FOXN4: variants seen among roughly 807,000 people sequenced by gnomAD.
The protein encoded by FOXN4 is forkhead box N4, also known as forkhead box protein N4.
A neutral mutation model predicts 45.0 loss-of-function variants in FOXN4; 12 were observed. The observed-to-expected ratio is 0.27, with a 90% confidence interval of 0.17 to 0.43. FOXN4 has a LOEUF of 0.43. FOXN4 is among the 20% of genes least tolerant of loss of function. The pLI is 1.00. For synonymous variants in FOXN4, 297 were observed against 295.0 expected, an observed-to-expected ratio of 1.01 and a Z score of -0.07; for missense variants, 560 against 694.9, an observed-to-expected ratio of 0.81 and a Z score of 2.18.
In FOXN4 at chr12:109,287,618, G is replaced by A; in HGVS notation, c.469-94C>T. 1 of 1,408,972 alleles carries A rather than the reference G, an allele frequency of 7.1e-7. No individual in the cohort carries two copies. The highest frequency in any genetic ancestry group is 9.4e-7 in the Non-Finnish European group (1 of 1,061,074). The allele number at this position is 1,408,972 out of a possible 1,614,324, so 87.3% of individuals were successfully genotyped here. On this transcript the variant is annotated intron_variant, in intron 5 of 9. Transcript: ENST00000299162. The surrounding 1 kb of genome is among the most constrained non-coding windows in gnomAD (Gnocchi z 4.1). ...TCACAGTAACACTGTCCCCACCCCA[G>A]TTTCAAAACACCTTGTGTGGGGATT... is the stretch of plus-strand genomic sequence containing the variant.
chr12:109,288,185 C>A lies in FOXN4; in HGVS notation c.233-5G>T. 6.5e-7 allele frequency: 1 copy of A among 1,547,626 alleles called. No homozygotes were observed. The highest frequency in any genetic ancestry group is 1.4e-5 in the African/African-American group (1 of 72,982). ...CGGCCACCCCAGCCAAGGCACCTGC[C>A]GGAGAGAAGCACAGAGACGCTGCTG... On this transcript the variant is annotated splice_region_variant and splice_polypyrimidine_tract_variant and intron_variant, in intron 3 of 9. Transcript: ENST00000299162. This position sits in a 1 kb window ranked among gnomAD's most constrained non-coding sequence, Gnocchi z 4.3.
chr12:109,301,246 G>A (rs1866064), intron 2 of FOXN4, among the ~76,000 whole-genome samples: 5,374 of 152,272 alleles, frequency 0.035, 314 homozygotes, highest in African/African-American at 0.12. Flanking sequence ...ATCCTCGTGT[G>A]CCGAACAGAG....
intron 2 of FOXN4, among the ~76,000 whole-genome samples, chr12:109,294,135 C>T (rs1047076489): frequency 2.0e-5 from 3 of 152,152 alleles, no homozygotes; most frequent in Non-Finnish European, 2.9e-5. Flanking sequence ...CTACGCGAAC[C>T]GGCATCTCCC....
chr12:109,284,241 T>C (rs968609415), intron 8 of FOXN4, among the ~76,000 whole-genome samples: 1 of 152,212 alleles, frequency 6.6e-6, no homozygotes, highest in African/African-American at 2.4e-5. Context: ...TCCAACAGCT[T>C]TTCCTGTTTT....
In FOXN4 at chr12:109,278,911, G is replaced by C. The variant is rs1380363466; in HGVS notation, c.*760C>G. ...GTCATTCTCTGGCCTGTAGGAGTTA[G>C]GATGGCTGGGAGGTAGGGAGGGAGA... On this transcript the variant is annotated 3_prime_UTR_variant, in exon 10 of 10. Coordinates refer to ENST00000299162, the MANE Select transcript of FOXN4 (RefSeq NM_213596.3). The C allele has an allele frequency of 6.6e-6, 1 of 152,354 alleles. No homozygotes were observed. Among genetic ancestry groups the C allele is most frequent in the African/African-American group, 2.4e-5 (1 of 41,444 alleles). 9.4% of individuals were successfully genotyped at this position (152,354 alleles called of 1,614,324 possible).
chr12:109,302,235 G>T (rs2047875237), intron 2 of FOXN4, among the ~76,000 whole-genome samples: 1 of 152,174 alleles, frequency 6.6e-6, no homozygotes, highest in Admixed American at 6.5e-5. Context: ...GACCCCCACG[G>T]CCACTGTCCC....
chr12:109,281,557 G>T lies in FOXN4; in HGVS notation c.1144C>A (p.Pro382Thr). The T allele has an allele frequency of 6.2e-7, 1 of 1,610,564 alleles. No homozygotes were observed. The change falls in exon 9 of 10, where the codon CCG becomes ACG. Residue 382 changes from proline to threonine, a missense_variant. Coordinates refer to ENST00000299162, the MANE Select transcript of FOXN4 (RefSeq NM_213596.3). The part of the protein sequence containing the change: ...APDSPAPAQT[P>T]PLHALPDLSP... ...AGGTCCGGCAGGGCGTGCAGTGGCGGGGTCTGGGCTGGTGCTGGAGAGTCT... is the reference window on the plus strand; with the variant it reads ...AGGTCCGGCAGGGCGTGCAGTGGCGTGGTCTGGGCTGGTGCTGGAGAGTCT...
chr12:109,294,811 C>A lies in FOXN4; in HGVS notation c.87-4525G>T, dbSNP rs75729274. Reference sequence around the variant, plus strand: ...TCTGTCCCCTGCAGAAAGGTCAGCACGTGCCCCTCTCCACAGTGGCATGTG... The same window carrying A: ...TCTGTCCCCTGCAGAAAGGTCAGCAAGTGCCCCTCTCCACAGTGGCATGTG... On this transcript the variant is annotated intron_variant, in intron 2 of 9. Transcript: ENST00000299162. Among the ~76,000 whole-genome samples, 772 of 152,114 alleles carry A rather than the reference C, an allele frequency of 5.1e-3. 33 individuals carry two copies. The East Asian group carries it at 0.089, about 18-fold the overall frequency.
At chr12:109,284,558 C>T (rs1361411405) in intron 8 of FOXN4, among the ~76,000 whole-genome samples, 1 of 148,302 alleles carries the variant, frequency 6.7e-6, no homozygotes, top group Non-Finnish European at 1.5e-5. Flanking sequence ...TGTGTGCGCA[C>T]GTGTGTGTGC....
In FOXN4 at chr12:109,287,084, T is replaced by TATTA. The variant is rs1237649446; in HGVS notation, c.596+309_596+312dup. On this transcript the variant is annotated intron_variant, in intron 6 of 9. Coordinates refer to ENST00000299162, the MANE Select transcript of FOXN4 (RefSeq NM_213596.3). The surrounding 1 kb of genome is among the most constrained non-coding windows in gnomAD (Gnocchi z 4.1). ...CAAACTCCCACGAGGTATACAATACTATTATTTTGATGACTTTTTACATTT... is the reference window on the plus strand; with the variant it reads ...CAAACTCCCACGAGGTATACAATACTATTAATTATTTTGATGACTTTTTACATTT... Among the ~76,000 whole-genome samples, 1 of 152,192 alleles carries TATTA rather than the reference T, an allele frequency of 6.6e-6. No homozygotes were observed. The highest frequency in any genetic ancestry group is 2.4e-5 in the African/African-American group (1 of 41,440).
At chr12:109,301,841 C>T (rs939519471) in intron 2 of FOXN4, among the ~76,000 whole-genome samples, 6 of 152,244 alleles carry the variant, frequency 3.9e-5, no homozygotes, top group African/African-American at 1.2e-4. Flanking sequence ...ATTACATACT[C>T]TCAAGTATGA....
At chr12:109,297,089 A>G (rs1391061608) in intron 2 of FOXN4, among the ~76,000 whole-genome samples, 1 of 152,190 alleles carries the variant, frequency 6.6e-6, no homozygotes, top group African/African-American at 2.4e-5. Flanking sequence ...TGGCCACAAC[A>G]ACCCTGTCCT....
chr12:109,296,145 T>C (rs1402899742), intron 2 of FOXN4, among the ~76,000 whole-genome samples: 1 of 152,216 alleles, frequency 6.6e-6, no homozygotes, highest in Admixed American at 6.5e-5. Flanking sequence ...CCAGCCCTGC[T>C]GCTGGGTCGC....
chr12:109,307,539 C>T (rs1003880199), intron 2 of FOXN4, among the ~76,000 whole-genome samples: 1 of 152,064 alleles, frequency 6.6e-6, no homozygotes, highest in Non-Finnish European at 1.5e-5. Flanking sequence ...ATAGGGGGTG[C>T]GCAGACTGGT....
Position 109,281,500 on chromosome 12 carries a change from C to T in FOXN4, c.1201G>A (p.Gly401Arg), listed in dbSNP as rs1355909073. The T allele has an allele frequency of 1.9e-6, 3 of 1,613,988 alleles. No homozygotes were observed. Among genetic ancestry groups the T allele is most frequent in the Admixed American group, 3.3e-5 (2 of 60,026 alleles). Residue 401 changes from glycine (G) to arginine (R), a missense_variant, in exon 9 of 10, where the codon GGA (glycine) becomes AGA (arginine). Coordinates refer to ENST00000299162, the MANE Select transcript of FOXN4 (RefSeq NM_213596.3). Reference sequence around the variant, plus strand: ...TTGATGAAGTCTACAGGAGCCCTTCCCATGGCGGGGTGGGGGAGCGGGCTG... The same window carrying T: ...TTGATGAAGTCTACAGGAGCCCTTCTCATGGCGGGGTGGGGGAGCGGGCTG... The part of the protein sequence containing the change: ...SPSPLPHPAM[G>R]RAPVDFINIS...
rs375715687 is a variant in FOXN4, at chr12:109,279,834, C to A, written c.1391G>T (p.Gly464Val). ...GCTGCCACCCGAGGCAGGGGTTAGG[C>A]CTGAGGCCCCCAGGTCACAGCCAAG... The part of the protein sequence containing the change: ...SPLGCDLGAS[G>V]LTPASGGSDQ... Residue 464 changes from glycine to valine, a missense_variant, in exon 10 of 10, where the codon GGC becomes GTC. By Grantham distance (109) the Gly-to-Val change is moderately radical. Coordinates refer to ENST00000299162, the MANE Select transcript of FOXN4 (RefSeq NM_213596.3). 4 of 1,613,494 alleles carry A rather than the reference C, an allele frequency of 2.5e-6. No homozygotes were observed. The African/African-American group carries it at 5.3e-5, about 22-fold the overall frequency.
chr12:109,304,382 C>A (rs1201919728), intron 2 of FOXN4, among the ~76,000 whole-genome samples: 2 of 152,120 alleles, frequency 1.3e-5, no homozygotes, highest in Non-Finnish European at 2.9e-5. Context: ...TTTGCAGGTG[C>A]CTGGCACACA....
chr12:109,290,900 G>T lies in FOXN4; in HGVS notation c.87-614C>A, dbSNP rs1003195354. Among the ~76,000 whole-genome samples, 4 of 152,180 alleles carry T rather than the reference G, an allele frequency of 2.6e-5. No homozygotes were observed. Among genetic ancestry groups the T allele is most frequent in the African/African-American group, 9.7e-5 (4 of 41,440 alleles). On this transcript the variant is annotated intron_variant, in intron 2 of 9. Coordinates refer to ENST00000299162, the MANE Select transcript of FOXN4 (RefSeq NM_213596.3). The surrounding 1 kb of genome is among the most constrained non-coding windows in gnomAD (Gnocchi z 5.1). ...AGGCCCTGGACTCAGCATTCAACAA[G>T]CGCTGTCCTGCACAATCCCCACAGC...
Position 109,286,613 on chromosome 12 carries a change from C to A in FOXN4, c.693+35G>T, listed in dbSNP as rs375040337. On this transcript the variant is annotated intron_variant, in intron 7 of 9. Coordinates refer to ENST00000299162, the MANE Select transcript of FOXN4 (RefSeq NM_213596.3). ...TGGCAGCACCAGGAAGAGACCAGGG[C>A]AGCTCCAGCACCCCTACCCTAGCTT... 54 of 1,570,440 alleles carry A rather than the reference C, an allele frequency of 3.4e-5. 1 individual carries two copies. In the Middle Eastern group the frequency reaches 5.0e-4, roughly 14 times the overall value.
Sources: gnomAD v4.1 joint callset for allele counts (sites outside exome capture counted in the v4.1 genomes callset) on GRCh38, gnomAD v4.1.1 for gene constraint, Gnocchi (gnomAD v3.1) non-coding constraint, MANE v1.5 for transcripts, NCBI Gene and HGNC (gene_info 2026-07-23, HGNC 2026-07-21) for gene names.